PAPPA2: variants seen among roughly 807,000 people sequenced by gnomAD.
PAPPA2 encodes the protein pappalysin-2.
In PAPPA2, 86 loss-of-function variants were observed where a neutral mutation model predicts 176.4. The observed-to-expected ratio is 0.49, with a 90% CI of 0.41 to 0.58. The LOEUF (loss-of-function observed/expected upper bound fraction) is 0.58. PAPPA2 is among the 20% of genes least tolerant of loss of function. PAPPA2 has a pLI of 0.00. For missense variants in PAPPA2, 2,073 were observed against 2,256.9 expected (o/e 0.92, Z 1.65); for synonymous variants, 809 against 852.2 (o/e 0.95, Z 0.88).
chr1:176,662,041 C>T (rs951600909), intron 3 of PAPPA2, among the ~76,000 whole-genome samples: 7 of 152,110 alleles, frequency 4.6e-5, no homozygotes, highest in African/African-American at 9.7e-5. Flanking sequence ...AAACAAGAGC[C>T]GTGTCTTCTG....
At chr1:176,685,277 T>A (rs997938976) in intron 4 of PAPPA2, among the ~76,000 whole-genome samples, 6 of 152,166 alleles carry the variant, frequency 3.9e-5, no homozygotes. Flanking sequence ...TTCATGACAA[T>A]CCTTTGAGGT....
intron 3 of PAPPA2, among the ~76,000 whole-genome samples, chr1:176,666,561 ATGTGTGTGTGTGTGTGTG>A (rs139660279): frequency 1.7e-4 from 19 of 109,454 alleles, no homozygotes; most frequent in African/African-American, 3.4e-4. Context: ...GTAAATATAT[ATGTGTGTGTGTGTGTGTG>A]TGTGTGTGTG....
chr1:176,669,761 C>G (rs1422956202), intron 3 of PAPPA2, among the ~76,000 whole-genome samples: 1 of 152,040 alleles, frequency 6.6e-6, no homozygotes, highest in Non-Finnish European at 1.5e-5. Flanking sequence ...TGGGATCGCC[C>G]TTTCTCAGGT....
chr1:176,842,172 G>A (rs1667512152), intron 22 of PAPPA2, among the ~76,000 whole-genome samples: 1 of 152,164 alleles, frequency 6.6e-6, no homozygotes, highest in South Asian at 2.1e-4. Context: ...TATATATGAG[G>A]AAAGTGAAGC....
At chr1:176,645,960 G>A (rs555561956) in intron 3 of PAPPA2, among the ~76,000 whole-genome samples, 5 of 151,562 alleles carry the variant, frequency 3.3e-5, no homozygotes, top group Admixed American at 6.6e-5. Context: ...TACTATTGAG[G>A]TTTTTTAGTT....
intron 1 of PAPPA2, among the ~76,000 whole-genome samples, chr1:176,498,747 C>A (rs1345682556): frequency 7.9e-6 from 1 of 126,906 alleles, no homozygotes; most frequent in Non-Finnish European, 1.7e-5. Context: ...GAGACTCTTA[C>A]CTCCAAAAAA....
intron 5 of PAPPA2, 29 bp downstream of exon 5, chr1:176,690,459 G>A (rs1558521916): frequency 1.9e-6 from 3 of 1,602,720 alleles, no homozygotes; most frequent in African/African-American, 1.3e-5. Flanking sequence ...TTTGTTTTCT[G>A]TTAAGAATAC....
Position 176,843,136 on chromosome 1 carries a change from C to T in PAPPA2, c.*682C>T, listed in dbSNP as rs2102995428. ...AGGACAGAAAGGCAACTTATTTTCC[C>T]ATCTTTCTATGGATGCGGATTGGCA... On this transcript the variant is annotated 3_prime_UTR_variant, in exon 23 of 23. Transcript: ENST00000367662. The T allele has an allele frequency of 6.6e-6, 1 of 152,136 alleles. No homozygotes were observed. The highest frequency in any genetic ancestry group is 1.5e-5 in the Non-Finnish European group (1 of 67,996). The allele number at this position is 152,136 out of a possible 1,614,324, so 9.4% of individuals were successfully genotyped here.
chr1:176,593,375 A>G (rs964909098), intron 2 of PAPPA2, among the ~76,000 whole-genome samples: 7 of 152,214 alleles, frequency 4.6e-5, no homozygotes, highest in Admixed American at 3.9e-4. Flanking sequence ...TTACCCAGGT[A>G]TCTGATCCAA....
intron 4 of PAPPA2, among the ~76,000 whole-genome samples, chr1:176,677,209 A>G (rs1659347185): frequency 6.6e-6 from 1 of 152,196 alleles, no homozygotes; most frequent in Non-Finnish European, 1.5e-5. Flanking sequence ...GAAGACATTC[A>G]GAATTTTCTA....
At chr1:176,631,161 G>T (rs1041933015) in intron 3 of PAPPA2, among the ~76,000 whole-genome samples, 1 of 152,130 alleles carries the variant, frequency 6.6e-6, no homozygotes, top group East Asian at 1.9e-4. Flanking sequence ...TGAGTATGGG[G>T]TCAATAAACA....
Position 176,631,852 on chromosome 1 carries a change from T to C in PAPPA2, c.1991+36257T>C, listed in dbSNP as rs553065623. Among the ~76,000 whole-genome samples the C allele has an allele frequency of 5.3e-5, 8 of 152,250 alleles. No individual in the cohort carries two copies. In the South Asian group the frequency reaches 1.7e-3, roughly 32 times the overall value. On this transcript the variant is annotated intron_variant, in intron 3 of 22. Coordinates refer to ENST00000367662, the MANE Select transcript of PAPPA2 (RefSeq NM_020318.3). ...GGGGAGACCACAGAACATTTTCATA[T>C]GGAAAGAGCCAGGAGAATATAAAAG...
In PAPPA2 at chr1:176,752,702, A is replaced by G. The variant is rs561614018; in HGVS notation, c.4151+12506A>G. ...GCCTGCAAAAATAAATAATCCTGGT[A>G]GAAAAATCAACAATTAGTCATCCAA... On this transcript the variant is annotated intron_variant, in intron 14 of 22. Transcript: ENST00000367662. 2.0e-5 allele frequency among the ~76,000 whole-genome samples: 3 copies of G among 152,348 alleles called. No individual in the cohort carries two copies. In the South Asian group the frequency reaches 6.2e-4, roughly 32 times the overall value.
intron 1 of PAPPA2, among the ~76,000 whole-genome samples, chr1:176,524,878 C>CAAAATA (rs1287008781): frequency 6.6e-6 from 1 of 151,814 alleles, no homozygotes. Flanking sequence ...ACAAAAAAAA[C>CAAAATA]AAAATAAAAT....
chr1:176,511,699 A>G (rs1477327047), intron 1 of PAPPA2, among the ~76,000 whole-genome samples: 4 of 152,288 alleles, frequency 2.6e-5, no homozygotes, highest in African/African-American at 9.6e-5. Context: ...TGAGGGCCTG[A>G]ATAAAACAAA....
At chr1:176,776,872 G>A (rs1027911380) in intron 17 of PAPPA2, among the ~76,000 whole-genome samples, 3 of 150,342 alleles carry the variant, frequency 2.0e-5, no homozygotes, top group African/African-American at 7.3e-5. Flanking sequence ...ATTTGATATA[G>A]TAATTATAAT....
intron 17 of PAPPA2, among the ~76,000 whole-genome samples, chr1:176,775,772 C>T (rs1035392361): frequency 2.0e-5 from 3 of 152,140 alleles, no homozygotes; most frequent in Admixed American, 1.3e-4. Context: ...CTGGTCTAGT[C>T]GAACTTTTGA....
intron 12 of PAPPA2, among the ~76,000 whole-genome samples, chr1:176,728,394 A>G (rs917306767): frequency 4.6e-5 from 7 of 152,062 alleles, no homozygotes; most frequent in Non-Finnish European, 5.9e-5. Context: ...GACTAATTTA[A>G]ACAATCACCA....
intron 21 of PAPPA2, among the ~76,000 whole-genome samples, chr1:176,835,883 G>GC (rs995205083): frequency 5.9e-5 from 9 of 151,988 alleles, no homozygotes; most frequent in Admixed American, 2.0e-4. Flanking sequence ...GGCCCTACAG[G>GC]CCCCCCCAGG....
Sources: allele counts gnomAD v4.1 joint callset (sites outside exome capture counted in the v4.1 genomes callset), GRCh38; gene constraint gnomAD v4.1.1; transcripts MANE v1.5; gene names NCBI Gene and HGNC (gene_info 2026-07-23, HGNC 2026-07-21).